Variants in FANCA observed in about 807,000 individuals in gnomAD.
The protein encoded by FANCA is Fanconi anemia group A protein.
FANCA carries 236 observed loss-of-function variants against 194.3 expected under a neutral mutation model. The observed-to-expected ratio is 1.21, with a 90% CI of 1.09 to 1.35. The LOEUF (loss-of-function observed/expected upper bound fraction) is 1.35. Ranked by LOEUF, FANCA falls within the 40% of genes most tolerant of loss-of-function variation. The pLI is 0.00. For missense variants in FANCA, 2,628 were observed against 1,813.9 expected, an observed-to-expected ratio of 1.45 and a Z score of -8.15; for synonymous variants, 1,014 against 715.8, an observed-to-expected ratio of 1.42 and a Z score of -6.65.
Position 89,765,077 on chromosome 16 carries a change from G to C in FANCA, c.2602-11C>G, listed in dbSNP as rs1198566177. The stretch of plus-strand genomic sequence containing the variant: ...CATGAGGAACTGAAACTGAAACAGA[G>C]AGTGACCCGGCCGTTTCTTCATTGC... On this transcript the variant is annotated splice_polypyrimidine_tract_variant and intron_variant, in intron 27 of 42. Coordinates refer to ENST00000389301, the MANE Select transcript of FANCA (RefSeq NM_000135.4). 3.7e-6 allele frequency: 6 copies of C among 1,613,728 alleles called. No homozygotes were observed. Among genetic ancestry groups the C allele is most frequent in the Non-Finnish European group, 5.1e-6 (6 of 1,179,822 alleles).
rs776013293 is a variant in FANCA, at chr16:89,769,854, G to A, written c.2487C>T (p.Ser829=). Residue 829 remains serine (S), a synonymous_variant, in exon 26 of 43, where the codon TCC becomes TCT. Transcript: ENST00000389301. The part of the protein sequence containing the change: ...DSLLTCRTRD[S]LFFCLKFCTA... Reference sequence around the variant, plus strand: ...GAGCTCACTTCAGGCAGAAGAACAAGGAATCCCTCGTCCTACAGGTCAGGA... The same window carrying A: ...GAGCTCACTTCAGGCAGAAGAACAAAGAATCCCTCGTCCTACAGGTCAGGA... 1.9e-6 allele frequency: 3 copies of A among 1,614,120 alleles called. No homozygotes were observed. The Admixed American group carries it at 5.0e-5, about 27-fold the overall frequency.
intron 11 of FANCA, among the ~76,000 whole-genome samples, chr16:89,795,217 G>A (rs1019871631): frequency 1.3e-5 from 2 of 151,448 alleles, no homozygotes; most frequent in South Asian, 2.1e-4. Flanking sequence ...CCCGGGAGGT[G>A]GAGGTTGCAG....
intron 20 of FANCA, among the ~76,000 whole-genome samples, chr16:89,777,785 A>G (rs1194216657): frequency 6.6e-6 from 1 of 152,152 alleles, no homozygotes; most frequent in Non-Finnish European, 1.5e-5. Flanking sequence ...GTTCTGCAGC[A>G]TGAGGCTTTC....
In FANCA at chr16:89,808,455, G is replaced by A; in HGVS notation, c.523-88C>T. On this transcript the variant is annotated intron_variant, in intron 5 of 42. Transcript: ENST00000389301. The stretch of plus-strand genomic sequence containing the variant: ...TTATGAATGCATTTTCCTACAAAAT[G>A]TTCAACTTAGGTTCTTAACCATGCC... The A allele has an allele frequency of 1.0e-5, 14 of 1,357,276 alleles. No homozygotes were observed. In the South Asian group the frequency reaches 1.7e-4, roughly 16 times the overall value. The allele number at this position is 1,357,276 out of a possible 1,614,324, so 84.1% of individuals were successfully genotyped here.
intron 30 of FANCA, among the ~76,000 whole-genome samples, chr16:89,756,786 C>T (rs1164130780): frequency 6.6e-6 from 1 of 152,092 alleles, no homozygotes; most frequent in Admixed American, 6.6e-5. Context: ...GCTGAATAAT[C>T]CAGTTTCTCA....
chr16:89,797,411 G>A (rs530214798), intron 10 of FANCA, among the ~76,000 whole-genome samples: 1 of 152,180 alleles, frequency 6.6e-6, no homozygotes, highest in Non-Finnish European at 1.5e-5. Flanking sequence ...ACCCAACGAG[G>A]CCACGTCGGC....
chr16:89,809,059 C>T (rs958190240), intron 5 of FANCA, among the ~76,000 whole-genome samples: 11 of 152,050 alleles, frequency 7.2e-5, no homozygotes, highest in Non-Finnish European at 1.2e-4. Context: ...GTGCCTGCCA[C>T]CACACCCGGC....
In FANCA at chr16:89,739,256, G is replaced by A. The variant is rs1170585613; in HGVS notation, c.4044C>T (p.Ile1348=). 1 of 1,614,146 alleles carries A rather than the reference G, an allele frequency of 6.2e-7. No homozygotes were observed. The highest frequency in any genetic ancestry group is 2.2e-5 in the East Asian group (1 of 44,888). Residue 1348 remains isoleucine, a synonymous_variant, in exon 41 of 43, where the codon ATC becomes ATT. Transcript: ENST00000389301. The part of the protein sequence containing the change: ...LLSYFHEDAA[I]REEAFLHVAV... ...CAACATGCAGGAAGGCCTCTTCCCTGATGGCCGCGTCTTCATGGAAGTAGG... is the reference window on the plus strand; with the variant it reads ...CAACATGCAGGAAGGCCTCTTCCCTAATGGCCGCGTCTTCATGGAAGTAGG...
chr16:89,771,853 CG>C lies in FANCA; in HGVS notation c.2015-40del, dbSNP rs745755411. ...AACTAGTTAGGGATGACAAGAACCCCGAAAGGAGGGATACAGCTGCGGCCTA... is the reference window on the plus strand; with the variant it reads ...AACTAGTTAGGGATGACAAGAACCCCAAAGGAGGGATACAGCTGCGGCCTA... On this transcript the variant is annotated intron_variant, in intron 22 of 42. Coordinates refer to ENST00000389301, the MANE Select transcript of FANCA (RefSeq NM_000135.4). 5.6e-6 allele frequency: 9 copies of C among 1,612,206 alleles called. No homozygotes were observed. The Admixed American group carries it at 1.3e-4, about 24-fold the overall frequency.
chr16:89,769,799 G>C (rs2039257933), intron 26 of FANCA, 38 bp downstream of exon 26: 4 of 1,609,342 alleles, frequency 2.5e-6, no homozygotes, highest in East Asian at 2.2e-5. Context: ...CTTTTCGAGA[G>C]AGAGGAGAGA....
At chr16:89,811,726 ATTTTT>A (rs79432713) in intron 3 of FANCA, among the ~76,000 whole-genome samples, 68,929 of 151,134 alleles carry the variant, frequency 0.46, 16,813 homozygotes, top group East Asian at 0.97. Flanking sequence ...TCCAAAATTA[ATTTTT>A]TTTTGTTTTA....
At chr16:89,759,420 C>G (rs2038874741) in intron 29 of FANCA, among the ~76,000 whole-genome samples, 1 of 150,536 alleles carries the variant, frequency 6.6e-6, no homozygotes, top group Non-Finnish European at 1.5e-5. Context: ...GTGAAGCAAC[C>G]TGCATCCAGA....
Position 89,810,980 on chromosome 16 carries a change from G to A in FANCA, c.375C>T (p.Cys125=), listed in dbSNP as rs199793463. The A allele has an allele frequency of 2.4e-5, 39 of 1,613,964 alleles. 1 individual carries two copies. The South Asian group carries it at 3.5e-4, about 15-fold the overall frequency. The change falls in exon 4 of 43, where the codon TGC becomes TGT. Residue 125 remains cysteine, a synonymous_variant. Transcript: ENST00000389301. ...GGTGACTGGTCTCCGCTGGAGCCGT[G>A]CAGATCTGTCCCACGCTAGAGGCAA... ...GMVASSVGQI[C]TAPAETSHPV...
At chr16:89,763,109 C>T (rs1386677023) in intron 28 of FANCA, among the ~76,000 whole-genome samples, 4 of 151,174 alleles carry the variant, frequency 2.6e-5, no homozygotes, top group Admixed American at 2.0e-4. Flanking sequence ...TAGCTGGGCG[C>T]GGTGGCGTGC....
At chr16:89,810,460 G>C in intron 5 of FANCA, 1 of 482,814 alleles carries the variant, frequency 2.1e-6, no homozygotes, top group South Asian at 2.2e-5. Flanking sequence ...AAGGCTAAAC[G>C]TGTTTTTCAA....
intron 3 of FANCA, among the ~76,000 whole-genome samples, chr16:89,813,753 A>G (rs528876026): frequency 4.1e-4 from 62 of 151,568 alleles, no homozygotes; most frequent in African/African-American, 1.5e-3. Flanking sequence ...ATTTCTAGTC[A>G]TTTGTTTCCA....
At chr16:89,740,980 C>A (rs1292864599) in intron 37 of FANCA, 114 bp from the exon 38 acceptor site, 2 of 932,922 alleles carry the variant, frequency 2.1e-6, no homozygotes, top group African/African-American at 1.6e-5. Context: ...GCCATAAATC[C>A]TTTAAGTGGA....
At chr16:89,805,465 G>A (rs2040606668) in intron 6 of FANCA, 73 bp from the exon 7 acceptor site, 2 of 1,261,210 alleles carry the variant, frequency 1.6e-6, no homozygotes, top group Admixed American at 1.9e-5. Context: ...TGAGCCATAT[G>A]TCCCAATTTT....
At chr16:89,754,635 C>T (rs927760307) in intron 30 of FANCA, among the ~76,000 whole-genome samples, 2 of 152,156 alleles carry the variant, frequency 1.3e-5, no homozygotes, top group Non-Finnish European at 2.9e-5. Context: ...TCCCAAAGTG[C>T]TGGGATTACA....
Sources: allele counts gnomAD v4.1 joint callset (sites outside exome capture counted in the v4.1 genomes callset), GRCh38; gene constraint gnomAD v4.1.1; transcripts MANE v1.5; gene names NCBI Gene and HGNC (gene_info 2026-07-23, HGNC 2026-07-21).